ITGB6: variants seen among roughly 807,000 people sequenced by gnomAD.
The protein encoded by ITGB6 is integrin subunit beta 6.
A neutral mutation model predicts 84.5 loss-of-function variants in ITGB6; 80 were observed. The ratio of observed to expected loss-of-function variants is 0.95; its 90% CI spans 0.79 to 1.14. The LOEUF (loss-of-function observed/expected upper bound fraction) is 1.14. Ranked by LOEUF, ITGB6 falls within the 50% of genes most tolerant of loss-of-function variation. ITGB6 has a pLI of 0.00. For synonymous variants in ITGB6, 383 were observed against 354.9 expected, an observed-to-expected ratio of 1.08 and a Z score of -0.89; for missense variants, 1,006 against 968.0, an observed-to-expected ratio of 1.04 and a Z score of -0.52.
intron 4 of ITGB6, among the ~76,000 whole-genome samples, chr2:160,185,777 T>C (rs538632400): frequency 6.6e-6 from 1 of 152,230 alleles, no homozygotes; most frequent in South Asian, 2.1e-4. Context: ...AACAGATATA[T>C]AGACCAATGG....
chr2:160,147,085 G>GAAAAAAAAAAA (rs36051022), intron 7 of ITGB6, among the ~76,000 whole-genome samples: 1 of 41,554 alleles, frequency 2.4e-5, no homozygotes, highest in African/African-American at 9.7e-5. Context: ...CCTTGCCTCA[G>GAAAAAAAAAAA]AAAAAAAAAA....
intron 8 of ITGB6, among the ~76,000 whole-genome samples, chr2:160,139,165 T>C (rs1378317166): frequency 1.3e-5 from 2 of 152,160 alleles, no homozygotes; most frequent in African/African-American, 2.4e-5. Context: ...GTCTGTATTG[T>C]AGGTGAACCA....
chr2:160,165,025 C>T (rs981128276), intron 7 of ITGB6, among the ~76,000 whole-genome samples: 1 of 152,066 alleles, frequency 6.6e-6, no homozygotes, highest in South Asian at 2.1e-4. Context: ...TTCCCAGATA[C>T]TATCAATTAA....
At chr2:160,136,039 C>A (rs192827386) in intron 10 of ITGB6, among the ~76,000 whole-genome samples, 7,169 of 152,140 alleles carry the variant, frequency 0.047, 494 homozygotes, top group African/African-American at 0.16. Flanking sequence ...GCAACAAAAG[C>A]CAAAACTGAC....
intron 14 of ITGB6, among the ~76,000 whole-genome samples, chr2:160,103,820 A>G (rs1190070078): frequency 6.6e-6 from 1 of 152,134 alleles, no homozygotes; most frequent in Non-Finnish European, 1.5e-5. Context: ...CAGAAAAGAC[A>G]CTTGGAAAGA....
At chr2:160,131,216 T>C (rs545442315) in intron 10 of ITGB6, among the ~76,000 whole-genome samples, 1 of 152,144 alleles carries the variant, frequency 6.6e-6, no homozygotes, top group Admixed American at 6.6e-5. Flanking sequence ...AAGTGCATAA[T>C]GGCAGGAAGT....
chr2:160,174,380 T>A (rs1038441952), intron 4 of ITGB6, among the ~76,000 whole-genome samples: 2 of 152,164 alleles, frequency 1.3e-5, no homozygotes, highest in African/African-American at 4.8e-5. Context: ...TGGCTCAAAC[T>A]CAGATAACAG....
intron 7 of ITGB6, among the ~76,000 whole-genome samples, chr2:160,145,056 T>G (rs1388209143): frequency 6.6e-6 from 1 of 152,260 alleles, no homozygotes; most frequent in Non-Finnish European, 1.5e-5. Context: ...ATGATTACTG[T>G]AAATATCATG....
chr2:160,177,432 G>A (rs933523993), intron 4 of ITGB6, among the ~76,000 whole-genome samples: 1 of 151,898 alleles, frequency 6.6e-6, no homozygotes, highest in Admixed American at 6.6e-5. Context: ...TTAGCCCGGG[G>A]TGGTGGTGGG....
intron 11 of ITGB6, among the ~76,000 whole-genome samples, chr2:160,125,693 A>G (rs1158597627): frequency 6.6e-6 from 1 of 152,242 alleles, no homozygotes; most frequent in Non-Finnish European, 1.5e-5. Flanking sequence ...ATAATACATT[A>G]TCCACTGCAA....
At chr2:160,171,135 T>G (rs560861776) in intron 6 of ITGB6, among the ~76,000 whole-genome samples, 1 of 151,440 alleles carries the variant, frequency 6.6e-6, no homozygotes, top group Non-Finnish European at 1.5e-5. Context: ...CTGTTAAGAG[T>G]TTTTAGAGAA....
rs1686458588 is a variant in ITGB6, at chr2:160,199,214, G to A, written c.106C>T (p.Leu36Phe). 6.2e-7 allele frequency: 1 copy of A among 1,613,978 alleles called. No individual in the cohort carries two copies. Among genetic ancestry groups the A allele is most frequent in the Non-Finnish European group, 8.5e-7 (1 of 1,179,980 alleles). The change falls in exon 2 of 15, where the codon CTT (leucine) becomes TTT (phenylalanine). Residue 36 changes from leucine to phenylalanine, a missense_variant. By Grantham distance (22) the Leu-to-Phe change is conservative. Coordinates refer to ENST00000283249, the MANE Select transcript of ITGB6 (RefSeq NM_000888.5). ...CACCAGGCACACTGAGGTCCAATAAGCAGGCAGTCTTCACAGGTTTCTGCA... is the reference window on the plus strand; with the variant it reads ...CACCAGGCACACTGAGGTCCAATAAACAGGCAGTCTTCACAGGTTTCTGCA... ...GGAETCEDCL[L>F]IGPQCAWCAQ...
chr2:160,129,104 G>T (rs116851386), intron 10 of ITGB6, among the ~76,000 whole-genome samples: 1 of 152,100 alleles, frequency 6.6e-6, no homozygotes, highest in African/African-American at 2.4e-5. Flanking sequence ...GGGAACAGAA[G>T]TGATATTGCA....
Position 160,107,684 on chromosome 2 carries a change from G to C in ITGB6, c.2263C>G (p.Gln755Glu). The C allele has an allele frequency of 6.2e-7, 1 of 1,613,862 alleles. No individual in the cohort carries two copies. Among genetic ancestry groups the C allele is most frequent in the Non-Finnish European group, 8.5e-7 (1 of 1,179,820 alleles). Residue 755 changes from glutamine (Q) to glutamate (E), a missense_variant, in exon 14 of 15, where the codon CAA becomes GAA. Gln to Glu is a conservative substitution (Grantham distance 29, BLOSUM62 2). Transcript: ENST00000283249. The stretch of plus-strand genomic sequence containing the variant: ...AGCCCTAAGTTTCCACATACCGTTT[G>C]CCACTTGGCTTTTGATCGTTCTGCT... ...FEAERSKAKWQTGTNPLYRGS... is the reference protein window; with the variant it reads ...FEAERSKAKWETGTNPLYRGS...
chr2:160,184,606 G>A (rs1685818950), intron 4 of ITGB6, among the ~76,000 whole-genome samples: 1 of 152,112 alleles, frequency 6.6e-6, no homozygotes, highest in Non-Finnish European at 1.5e-5. Flanking sequence ...AGAAAAAGAG[G>A]GAATCCTCCC....
chr2:160,163,918 G>T (rs1036361954), intron 7 of ITGB6, among the ~76,000 whole-genome samples: 2 of 152,168 alleles, frequency 1.3e-5, no homozygotes, highest in Non-Finnish European at 2.9e-5. Flanking sequence ...TATTATCATA[G>T]TCATAGTTGC....
intron 4 of ITGB6, among the ~76,000 whole-genome samples, 154 bp from the exon 5 acceptor site, chr2:160,174,293 G>A (rs191359719): frequency 6.6e-6 from 1 of 152,182 alleles, no homozygotes; most frequent in African/African-American, 2.4e-5. Context: ...TGTTAAGGTT[G>A]TTGACATCAT....
chr2:160,155,024 A>G (rs1421169692), intron 7 of ITGB6, among the ~76,000 whole-genome samples: 2 of 152,194 alleles, frequency 1.3e-5, no homozygotes, highest in Non-Finnish European at 2.9e-5. Flanking sequence ...AGCATGTAGC[A>G]CAAACCCCTT....
chr2:160,121,595 C>T (rs1683042007), intron 12 of ITGB6, among the ~76,000 whole-genome samples: 1 of 151,916 alleles, frequency 6.6e-6, no homozygotes, highest in Admixed American at 6.6e-5. Context: ...GCCAGCCTGG[C>T]CAACATGGCA....
Sources: gnomAD v4.1 joint callset for allele counts (sites outside exome capture counted in the v4.1 genomes callset) on GRCh38, gnomAD v4.1.1 for gene constraint, MANE v1.5 for transcripts, NCBI Gene and HGNC (gene_info 2026-07-23, HGNC 2026-07-21) for gene names.